Variants in MPRIP observed in about 807,000 individuals in gnomAD.
The protein encoded by MPRIP is myosin phosphatase Rho interacting protein, also known as myosin phosphatase Rho-interacting protein.
A neutral mutation model predicts 234.9 loss-of-function variants in MPRIP; 59 were observed. The ratio of observed to expected loss-of-function variants is 0.25; its 90% CI spans 0.20 to 0.31. MPRIP has a LOEUF of 0.31. Among genes scored for constraint, MPRIP ranks in the 10% least tolerant of loss-of-function variants. The pLI is 1.00. For missense variants in MPRIP, 2,436 were observed against 3,071.0 expected, an observed-to-expected ratio of 0.79 and a Z score of 4.89; for synonymous variants, 1,144 against 1,263.9, an observed-to-expected ratio of 0.91 and a Z score of 2.01.
At chr17:17,088,562 G>T (rs2089644658) in intron 3 of MPRIP, among the ~76,000 whole-genome samples, 1 of 152,164 alleles carries the variant, frequency 6.6e-6, no homozygotes, top group African/African-American at 2.4e-5. Context: ...TGTTTGTGCA[G>T]TGCTCACACA....
rs34804730 is a variant in MPRIP, at chr17:17,066,723, C to CTTTTTTTTTTTTTTTTTTTTTTTTTT, written c.124-8966_124-8941dup. On this transcript the variant is annotated intron_variant, in intron 1 of 23. Transcript: ENST00000651222. Reference sequence around the variant, plus strand: ...TCAAACCCACAGATACTTTTTTCATCTTTTTTTTTTTTTTTTTTTTTTTTT... The same window carrying CTTTTTTTTTTTTTTTTTTTTTTTTTT: ...TCAAACCCACAGATACTTTTTTCATCTTTTTTTTTTTTTTTTTTTTTTTTTTTTTTTTTTTTTTTTTTTTTTTTTTT... Among the ~76,000 whole-genome samples, 5 of 36,636 alleles carry CTTTTTTTTTTTTTTTTTTTTTTTTTT rather than the reference C, an allele frequency of 1.4e-4. 2 individuals are homozygous for CTTTTTTTTTTTTTTTTTTTTTTTTTT. The highest frequency in any genetic ancestry group is 2.4e-4 in the Non-Finnish European group (4 of 16,614). 24.0% of individuals were successfully genotyped at this position (36,636 alleles called of 152,430 possible). A position where few individuals can be genotyped will look rare whatever the true frequency, so the allele number is the denominator to read the frequency against.
intron 21 of MPRIP, among the ~76,000 whole-genome samples, chr17:17,176,885 T>C (rs1052651626): frequency 2.0e-5 from 3 of 152,136 alleles, no homozygotes; most frequent in African/African-American, 7.2e-5. Flanking sequence ...ACAGAATCAT[T>C]GGTGGTCACT....
chr17:17,134,117 A>T (rs1203257929), intron 5 of MPRIP, among the ~76,000 whole-genome samples: 1 of 152,118 alleles, frequency 6.6e-6, no homozygotes, highest in Non-Finnish European at 1.5e-5. Context: ...CTTCCTTAAG[A>T]ATCCTGTTTT....
At chr17:17,124,106 G>C (rs1337849177) in intron 3 of MPRIP, among the ~76,000 whole-genome samples, 1 of 152,188 alleles carries the variant, frequency 6.6e-6, no homozygotes, top group East Asian at 1.9e-4. Flanking sequence ...AGGAAACTGA[G>C]GCCCAGAGAG....
intron 3 of MPRIP, among the ~76,000 whole-genome samples, chr17:17,102,832 G>C (rs1175829656): frequency 1.3e-5 from 2 of 152,248 alleles, no homozygotes; most frequent in African/African-American, 4.8e-5. Context: ...GCTGGGCAAC[G>C]TTGAGGTCGA....
chr17:17,129,228 G>C (rs2090550468), intron 4 of MPRIP, among the ~76,000 whole-genome samples: 1 of 152,078 alleles, frequency 6.6e-6, no homozygotes. Flanking sequence ...GAGCTCTTCT[G>C]TGCTCTCAGC....
chr17:17,131,048 A>G (rs1283946782), intron 4 of MPRIP, among the ~76,000 whole-genome samples: 1 of 152,150 alleles, frequency 6.6e-6, no homozygotes, highest in Non-Finnish European at 1.5e-5. Context: ...GTGTCTATCC[A>G]GAGTGAACTT....
chr17:17,047,090 A>G (rs969589554), intron 1 of MPRIP, among the ~76,000 whole-genome samples: 3 of 152,250 alleles, frequency 2.0e-5, no homozygotes, highest in South Asian at 4.1e-4. Context: ...CTGAGGCACG[A>G]GAATTGCTTG....
intron 3 of MPRIP, among the ~76,000 whole-genome samples, chr17:17,117,151 G>A (rs1046053427): frequency 6.6e-6 from 1 of 152,204 alleles, no homozygotes; most frequent in African/African-American, 2.4e-5. Flanking sequence ...AACATTCGAG[G>A]AAAGTTGTTG....
intron 1 of MPRIP, among the ~76,000 whole-genome samples, chr17:17,063,999 G>A (rs921726853): frequency 6.6e-6 from 1 of 152,204 alleles, no homozygotes; most frequent in Non-Finnish European, 1.5e-5. Context: ...GTGGTGAGGG[G>A]AAGGGACAGA....
intron 1 of MPRIP, among the ~76,000 whole-genome samples, chr17:17,045,197 C>G (rs1162771282): frequency 6.6e-6 from 1 of 152,228 alleles, no homozygotes; most frequent in Non-Finnish European, 1.5e-5. Flanking sequence ...GCCACTCCCT[C>G]CTTAAGAGGA....
chr17:17,053,668 C>T (rs1385140254), intron 1 of MPRIP, among the ~76,000 whole-genome samples: 3 of 152,312 alleles, frequency 2.0e-5, no homozygotes, highest in Admixed American at 2.0e-4. Context: ...GAGAAAACAG[C>T]CCAGGGAGGG....
At chr17:17,052,852 C>G (rs1396622638) in intron 1 of MPRIP, among the ~76,000 whole-genome samples, 1 of 152,194 alleles carries the variant, frequency 6.6e-6, no homozygotes, top group Non-Finnish European at 1.5e-5. Context: ...ATAGCTTTGT[C>G]CTTGATCTCT....
chr17:17,137,880 C>A, intron 6 of MPRIP, 36 bp from the exon 7 acceptor site: 1 of 1,522,458 alleles, frequency 6.6e-7, no homozygotes, highest in South Asian at 1.3e-5. Flanking sequence ...TGCCAGCAGG[C>A]TGAGTGCGTC....
At position 17,118,190 on chromosome 17, in the gene MPRIP, G is replaced by A. The variant is rs763327748; in HGVS notation, c.268-8512G>A. 1.9e-3 allele frequency among the ~76,000 whole-genome samples: 291 copies of A among 152,350 alleles called. 1 individual carries two copies. The highest frequency in any genetic ancestry group is 3.0e-3 in the Admixed American group (46 of 15,308). On this transcript the variant is annotated intron_variant, in intron 3 of 23. Coordinates refer to ENST00000651222, the MANE Select transcript of MPRIP (RefSeq NM_001364716.4). ...GCTGTGTGGCTAGCCCAGGTCATGG[G>A]GTGGTCTCCCGGCCCTTCTTTCTGC...
rs984111724 is a variant in MPRIP, at chr17:17,187,899, A to G, written c.*3005A>G. On this transcript the variant is annotated 3_prime_UTR_variant, in exon 24 of 24. Transcript: ENST00000651222. ...ACCGATGAGGAAGAAGTTCAAATAG[A>G]TAGACTTCAGCATTTTAATTATTTT... 1 of 152,226 alleles carries G rather than the reference A, an allele frequency of 6.6e-6. No homozygotes were observed. Among genetic ancestry groups the G allele is most frequent in the African/African-American group, 2.4e-5 (1 of 41,452 alleles). 9.4% of individuals were successfully genotyped at this position (152,226 alleles called of 1,614,324 possible). A position where few individuals can be genotyped will look rare whatever the true frequency, so the allele number is the denominator to read the frequency against.
chr17:17,119,795 G>A (rs1021615664), intron 3 of MPRIP, among the ~76,000 whole-genome samples: 1 of 152,202 alleles, frequency 6.6e-6, no homozygotes, highest in Non-Finnish European at 1.5e-5. Context: ...TCCTTAAGTG[G>A]GTCACAGTGC....
rs544694601 is a variant in MPRIP at position 17,146,161 on chromosome 17, C to T, written c.1560+69C>T. On this transcript the variant is annotated intron_variant, in intron 10 of 23. Coordinates refer to ENST00000651222, the MANE Select transcript of MPRIP (RefSeq NM_001364716.4). ...AGGGTGAGGGTGAGCTGTCCTTGTC[C>T]CCAGCCAGTCTGCAAGTGCTGGCTC... is the stretch of plus-strand genomic sequence containing the variant. 2.9e-5 allele frequency: 41 copies of T among 1,433,032 alleles called. No individual in the cohort carries two copies. In the African/African-American group the frequency reaches 4.9e-4, roughly 17 times the overall value. The allele number at this position is 1,433,032 out of a possible 1,614,324, so 88.8% of individuals were successfully genotyped here.
At chr17:17,081,246 G>C (rs2144078372) in intron 3 of MPRIP, among the ~76,000 whole-genome samples, 1 of 152,232 alleles carries the variant, frequency 6.6e-6, no homozygotes, top group Admixed American at 6.5e-5. Flanking sequence ...CTGACTTCTT[G>C]TTGTTGTTGG....
Sources: gnomAD v4.1 joint callset for allele counts (sites outside exome capture counted in the v4.1 genomes callset) on GRCh38, gnomAD v4.1.1 for gene constraint, MANE v1.5 for transcripts, NCBI Gene and HGNC (gene_info 2026-07-23, HGNC 2026-07-21) for gene names.